Variants in SLC6A5 observed in about 807,000 individuals in gnomAD.
SLC6A5 encodes the protein solute carrier family 6 member 5.
A neutral mutation model predicts 90.5 loss-of-function variants in SLC6A5; 58 were observed. The ratio of observed to expected loss-of-function variants is 0.64; its 90% confidence interval spans 0.52 to 0.80. The LOEUF is 0.80. Among genes scored for constraint, SLC6A5 ranks in the 30% least tolerant of loss-of-function variants. The pLI, the probability that SLC6A5 is intolerant of heterozygous loss-of-function variation, is 0.00. For synonymous variants in SLC6A5, 427 were observed against 401.4 expected (o/e 1.06, Z -0.76); for missense variants, 1,015 against 1,017.6 (o/e 1.00, Z 0.03).
intron 7 of SLC6A5, 47 bp downstream of exon 7, chr11:20,617,931 G>T: frequency 1.9e-6 from 3 of 1,604,272 alleles, no homozygotes; most frequent in Non-Finnish European, 2.6e-6. Flanking sequence ...ACACCCAGGG[G>T]CGGTTGCTTT....
At chr11:20,624,457 G>A (rs1316730223) in intron 7 of SLC6A5, among the ~76,000 whole-genome samples, 1 of 151,218 alleles carries the variant, frequency 6.6e-6, no homozygotes, top group Non-Finnish European at 1.5e-5. Context: ...CGGCCCCCAA[G>A]AGTTATTTCT....
At chr11:20,614,499 A>C (rs1379314438) in intron 5 of SLC6A5, among the ~76,000 whole-genome samples, 180 bp from the exon 6 acceptor site, 1 of 152,222 alleles carries the variant, frequency 6.6e-6, no homozygotes, top group Admixed American at 6.5e-5. Flanking sequence ...TGATGGAGAA[A>C]ACATAATTCT....
rs556722341 is a variant in SLC6A5, at chr11:20,641,298, C to T, written c.1969+2740C>T. Among the ~76,000 whole-genome samples, 12 of 152,272 alleles carry T rather than the reference C, an allele frequency of 7.9e-5. No individual in the cohort carries two copies. In the South Asian group the frequency reaches 2.3e-3, roughly 29 times the overall value. ...TCATTGTGTATTTCCCCAACCTCAA[C>T]ATGGAGTGGTCTTGATCTGTTTTCC... On this transcript the variant is annotated intron_variant, in intron 13 of 15. Coordinates refer to ENST00000525748, the MANE Select transcript of SLC6A5 (RefSeq NM_004211.5).
intron 7 of SLC6A5, among the ~76,000 whole-genome samples, chr11:20,618,653 A>G (rs1234973050): frequency 6.6e-6 from 1 of 151,972 alleles, no homozygotes; most frequent in East Asian, 1.9e-4. Flanking sequence ...AAACCTACTG[A>G]AGGTTGGGTG....
At position 20,619,994 on chromosome 11, in the gene SLC6A5, C is replaced by A. The variant is rs535351812; in HGVS notation, c.1260+2110C>A. ...GGCCTGAGGTTTCCTGGACCCCTCA[C>A]CTTCTGTGGCTTGGAGCTGAGCTTG... On this transcript the variant is annotated intron_variant, in intron 7 of 15. Transcript: ENST00000525748. Among the ~76,000 whole-genome samples, 6 of 152,328 alleles carry A rather than the reference C, an allele frequency of 3.9e-5. No individual in the cohort carries two copies. In the East Asian group the frequency reaches 9.7e-4, roughly 25 times the overall value.
intron 14 of SLC6A5, 81 bp downstream of exon 14, chr11:20,647,015 G>A (rs1303908881): frequency 2.1e-6 from 2 of 941,902 alleles, no homozygotes; most frequent in African/African-American, 1.6e-5. Context: ...GTGCATGCCT[G>A]TTTACATTTG....
chr11:20,614,937 G>GT (rs1215047009), intron 6 of SLC6A5, 117 bp downstream of exon 6: 5 of 1,026,188 alleles, frequency 4.9e-6, no homozygotes, highest in Admixed American at 1.7e-5. Context: ...AGAGAGGAAG[G>GT]TTTTTTCCCT....
At chr11:20,603,920 G>C (rs897039644) in intron 2 of SLC6A5, among the ~76,000 whole-genome samples, 1 of 152,054 alleles carries the variant, frequency 6.6e-6, no homozygotes, top group African/African-American at 2.4e-5. Context: ...TCTTGGTAAG[G>C]GGTTGGGGAT....
Position 20,636,292 on chromosome 11 carries a change from T to C in SLC6A5, c.1625-15T>C, listed in dbSNP as rs1432413934. The stretch of plus-strand genomic sequence containing the variant: ...AGTAGGGCCTGCCTGCAATCATCTG[T>C]CTTGTTCCTTCCAGGGCCAGGCATT... On this transcript the variant is annotated splice_polypyrimidine_tract_variant and intron_variant, in intron 10 of 15. Transcript: ENST00000525748. 6.4e-7 allele frequency: 1 copy of C among 1,554,974 alleles called. No individual in the cohort carries two copies. Among genetic ancestry groups the C allele is most frequent in the Non-Finnish European group, 8.9e-7 (1 of 1,126,044 alleles).
intron 2 of SLC6A5, among the ~76,000 whole-genome samples, chr11:20,601,988 T>C (rs1255317561): frequency 6.6e-6 from 1 of 152,242 alleles, no homozygotes; most frequent in Non-Finnish European, 1.5e-5. Context: ...AGACTCCCTC[T>C]CCTGCCAATG....
chr11:20,599,946 T>A (rs76819194), intron 1 of SLC6A5, among the ~76,000 whole-genome samples: 2,170 of 152,216 alleles, frequency 0.014, 60 homozygotes, highest in African/African-American at 0.05. Context: ...AAAAGCCAGA[T>A]GCCGGTACAG....
In SLC6A5 at chr11:20,657,652, G is replaced by A. The variant is rs1268178032; in HGVS notation, c.*2784G>A. 6.6e-6 allele frequency: 1 copy of A among 152,176 alleles called. No homozygotes were observed. Among genetic ancestry groups the A allele is most frequent in the Non-Finnish European group, 1.5e-5 (1 of 68,038 alleles). The allele number at this position is 152,176 out of a possible 1,614,324, so 9.4% of individuals were successfully genotyped here. On this transcript the variant is annotated 3_prime_UTR_variant, in exon 16 of 16. Transcript: ENST00000525748. ...TGGGGGAAAAAACCGAGTAGCTGAG[G>A]AAAGACTTTCATTGGTTCACTGTGT... is the stretch of plus-strand genomic sequence containing the variant.
intron 5 of SLC6A5, among the ~76,000 whole-genome samples, chr11:20,608,952 CTCTCTCTGTG>C (rs1310238028): frequency 3.2e-5 from 3 of 94,330 alleles, no homozygotes; most frequent in Admixed American, 1.1e-4. Flanking sequence ...CTCTCTCTCT[CTCTCTCTGTG>C]TGTGTGTGTG....
intron 5 of SLC6A5, among the ~76,000 whole-genome samples, chr11:20,612,941 A>C (rs926996813): frequency 1.1e-4 from 16 of 152,324 alleles, no homozygotes; most frequent in African/African-American, 2.2e-4. Context: ...CATCTGGAAA[A>C]GCTTGGCACT....
At chr11:20,639,058 C>T (rs1001175383) in intron 13 of SLC6A5, among the ~76,000 whole-genome samples, 2 of 152,126 alleles carry the variant, frequency 1.3e-5, no homozygotes, top group African/African-American at 2.4e-5. Flanking sequence ...ATCTCAATCT[C>T]AGATTTTTCC....
intron 14 of SLC6A5, 78 bp downstream of exon 14, chr11:20,647,012 C>A: frequency 1.0e-6 from 1 of 962,488 alleles, no homozygotes; most frequent in Non-Finnish European, 1.7e-6. Flanking sequence ...ACAGTGCATG[C>A]CTGTTTACAT....
In SLC6A5 at chr11:20,601,413, C is replaced by T. The variant is rs1198333077; in HGVS notation, c.288C>T (p.Asp96=). The change falls in exon 2 of 16, where the codon GAC becomes GAT. Residue 96 remains aspartate, a synonymous_variant. Transcript: ENST00000525748. The part of the protein sequence containing the change: ...RAQAASAALR[D]LREAQGAQAS... ...AGGCGGCCTCTGCAGCTCTGCGGGA[C>T]TTGAGAGAGGCGCAAGGCGCGCAGG... 13 of 1,605,688 alleles carry T rather than the reference C, an allele frequency of 8.1e-6. No individual in the cohort carries two copies. The Admixed American group carries it at 2.2e-4, about 27-fold the overall frequency.
At chr11:20,600,540 G>T (rs1852450534) in intron 1 of SLC6A5, among the ~76,000 whole-genome samples, 1 of 152,164 alleles carries the variant, frequency 6.6e-6, no homozygotes, top group Admixed American at 6.5e-5. Context: ...TATTATCGTT[G>T]TAGGTTTTTT....
At chr11:20,602,154 G>T (rs1264022433) in intron 2 of SLC6A5, among the ~76,000 whole-genome samples, 1 of 152,230 alleles carries the variant, frequency 6.6e-6, no homozygotes, top group Non-Finnish European at 1.5e-5. Context: ...TATTACATGA[G>T]AACTCATTTG....
Sources: gnomAD v4.1 joint callset for allele counts (sites outside exome capture counted in the v4.1 genomes callset) on GRCh38, gnomAD v4.1.1 for gene constraint, MANE v1.5 for transcripts, NCBI Gene and HGNC (gene_info 2026-07-23, HGNC 2026-07-21) for gene names.